The following DMD variants were observed in gnomAD, a reference collection of about 807,000 sequenced individuals.
DMD encodes the protein dystrophin, also known as mutant dystrophin.
Under a neutral mutation model 330.1 loss-of-function variants are expected in DMD, and 63 were observed. That is an observed-to-expected ratio of 0.19 (90% CI 0.16 to 0.24). The LOEUF (loss-of-function observed/expected upper bound fraction) is 0.24. Ranked by LOEUF, DMD falls within the 10% of genes least tolerant of loss-of-function variation. The probability of loss-of-function intolerance (pLI) is 1.00; values close to 1 mark genes in which losing one functional copy is unlikely to be tolerated. For synonymous variants in DMD, 1,223 were observed against 959.8 expected (o/e 1.27, Z -5.07); for missense variants, 3,344 against 2,684.1 (o/e 1.25, Z -5.43).
intron 61 of DMD, among the ~76,000 whole-genome samples, chrX:31,331,666 T>C (rs1178760652): frequency 2.7e-5 from 3 of 111,876 alleles, no homozygotes; most frequent in Admixed American, 1.9e-4. Context: ...CAGGTAATGG[T>C]GGTTACAGTC....
Position 31,247,891 on chromosome X carries a change from C to A in DMD, c.9286+13064G>T, listed in dbSNP as rs755275634. On this transcript the variant is annotated intron_variant, in intron 63 of 78. Coordinates refer to ENST00000357033, the MANE Select transcript of DMD (RefSeq NM_004006.3). ...TAGGGAGTTGCTACTTATGGATGAG[C>A]AAAGTAAGTGGTTTCATGAGATAGT... Among the ~76,000 whole-genome samples, 7 of 111,723 alleles carry A rather than the reference C, an allele frequency of 6.3e-5. No homozygotes were observed. In the South Asian group the frequency reaches 2.6e-3, roughly 42 times the overall value.
chrX:32,658,300 T>G (rs1297088000), intron 9 of DMD, among the ~76,000 whole-genome samples: 1 of 111,433 alleles, frequency 9.0e-6, no homozygotes, highest in Non-Finnish European at 1.9e-5. Context: ...CTAATTTCAG[T>G]GAAAATCTTA....
chrX:31,510,570 C>T (rs763723225), intron 55 of DMD, among the ~76,000 whole-genome samples: 4 of 101,522 alleles, frequency 3.9e-5, no homozygotes, highest in East Asian at 6.1e-4. Context: ...CACAGTGGCG[C>T]GATCTTGGCT....
At chrX:33,092,514 T>C (rs1195292220) in intron 1 of DMD, among the ~76,000 whole-genome samples, 2 of 111,721 alleles carry the variant, frequency 1.8e-5, no homozygotes, top group African/African-American at 6.5e-5. Flanking sequence ...ATTTCTTGTC[T>C]CTGAAAATAA....
At chrX:32,180,681 A>G (rs1603627765) in intron 44 of DMD, among the ~76,000 whole-genome samples, 1 of 111,666 alleles carries the variant, frequency 9.0e-6, no homozygotes, top group Admixed American at 9.6e-5. Context: ...CACACAGTTC[A>G]GCATGGCTGG....
intron 51 of DMD, among the ~76,000 whole-genome samples, chrX:31,751,829 C>A (rs1342382386): frequency 8.9e-6 from 1 of 112,334 alleles, no homozygotes; most frequent in Non-Finnish European, 1.9e-5. Flanking sequence ...TTAAAACAAC[C>A]CAAATTTATT....
chrX:32,987,369 T>A (rs1039625396), intron 2 of DMD, among the ~76,000 whole-genome samples: 1 of 110,995 alleles, frequency 9.0e-6, no homozygotes, highest in Non-Finnish European at 1.9e-5. Flanking sequence ...TGCTTCCTAA[T>A]AGGCCCTACA....
chrX:32,667,600 A>G (rs773037868), intron 9 of DMD, among the ~76,000 whole-genome samples: 5 of 111,477 alleles, frequency 4.5e-5, no homozygotes, highest in Non-Finnish European at 9.4e-5. Context: ...ACTGCACTAA[A>G]TATTGTAGTT....
chrX:31,610,828 C>G (rs2077872991), intron 55 of DMD, among the ~76,000 whole-genome samples: 1 of 111,290 alleles, frequency 9.0e-6, no homozygotes, highest in Admixed American at 9.6e-5. Flanking sequence ...GATCATGGCT[C>G]TGATGGAGGC....
chrX:32,170,916 C>T (rs73456195), intron 44 of DMD, among the ~76,000 whole-genome samples: 3,684 of 110,935 alleles, frequency 0.033, 150 homozygotes, highest in African/African-American at 0.11. Flanking sequence ...CTGACTGACT[C>T]CTAAGTGATA....
At chrX:31,420,626 C>T (rs888613510) in intron 60 of DMD, among the ~76,000 whole-genome samples, 1 of 112,207 alleles carries the variant, frequency 8.9e-6, no homozygotes, top group Non-Finnish European at 1.9e-5. Context: ...TATAACCAGA[C>T]GTGGCTTCAT....
At position 32,934,190 on chromosome X, in the gene DMD, T is replaced by C. The variant is rs184292439; in HGVS notation, c.94-84370A>G. 7.2e-5 allele frequency among the ~76,000 whole-genome samples: 8 copies of C among 111,418 alleles called. No individual in the cohort carries two copies. In the Admixed American group the frequency reaches 7.6e-4, roughly 11 times the overall value. On this transcript the variant is annotated intron_variant, in intron 2 of 78. Transcript: ENST00000357033. ...TAATGAAAACCATATATAAGAACAT[T>C]ATAAATATGATTACAATAGATGCAT... is the stretch of plus-strand genomic sequence containing the variant.
intron 32 of DMD, among the ~76,000 whole-genome samples, chrX:32,387,930 T>A (rs1211937746): frequency 1.8e-5 from 2 of 111,634 alleles, no homozygotes. Context: ...AAAATATTTA[T>A]AAACAAAGGG....
In DMD at chrX:32,227,264, CATATATATATATATATATAT is replaced by C. The variant is rs57305198; in HGVS notation, c.6291-10221_6291-10202del. 2.0e-3 allele frequency among the ~76,000 whole-genome samples: 72 copies of C among 35,856 alleles called. 1 individual carries two copies. Among genetic ancestry groups the C allele is most frequent in the South Asian group, 0.02 (5 of 251 alleles). 31.1% of individuals were successfully genotyped at this position (35,856 alleles called of 115,157 possible). A position where few individuals can be genotyped will look rare whatever the true frequency, so the allele number is the denominator to read the frequency against. ...GTCTATCCTAGCTTCTAAGTCTAAG[CATATATATATATATATATAT>C]ATATATATATATATATATATATATA... On this transcript the variant is annotated intron_variant, in intron 43 of 78. Coordinates refer to ENST00000357033, the MANE Select transcript of DMD (RefSeq NM_004006.3).
intron 55 of DMD, among the ~76,000 whole-genome samples, chrX:31,561,715 T>A (rs1218190551): frequency 8.9e-6 from 1 of 112,488 alleles, no homozygotes; most frequent in Non-Finnish European, 1.9e-5. Flanking sequence ...TTATCAGGGC[T>A]TCCCTGTCTG....
intron 11 of DMD, among the ~76,000 whole-genome samples, chrX:32,636,886 T>C (rs1238108446): frequency 4.6e-5 from 5 of 109,577 alleles, no homozygotes; most frequent in African/African-American, 1.3e-4. Context: ...TAGTCCCAAC[T>C]ACTGGGGAGG....
intron 71 of DMD, 124 bp from the exon 72 acceptor site, chrX:31,173,728 C>T (rs1253634629): frequency 4.1e-6 from 2 of 489,890 alleles, no homozygotes; most frequent in Non-Finnish European, 6.8e-6. Flanking sequence ...ATAATGTATA[C>T]ATTTAGTTGC....
At chrX:31,637,940 C>T (rs2079510106) in intron 54 of DMD, among the ~76,000 whole-genome samples, 1 of 111,429 alleles carries the variant, frequency 9.0e-6, no homozygotes. Context: ...GATATTCAAT[C>T]TTTGGAATTT....
At chrX:32,933,058 C>T (rs748124928) in intron 2 of DMD, among the ~76,000 whole-genome samples, 1 of 111,293 alleles carries the variant, frequency 9.0e-6, no homozygotes, top group Non-Finnish European at 1.9e-5. Context: ...TTCCCTGTTT[C>T]TTGTATTTGA....
Sources: allele counts gnomAD v4.1 joint callset (sites outside exome capture counted in the v4.1 genomes callset), GRCh38; gene constraint gnomAD v4.1.1; transcripts MANE v1.5; gene names NCBI Gene and HGNC (gene_info 2026-07-23, HGNC 2026-07-21).